IQCM: variants seen among roughly 807,000 people sequenced by gnomAD.
IQCM encodes the protein IQ motif containing M.
In IQCM, 45 loss-of-function variants were observed where a neutral mutation model predicts 57.6. That is an observed-to-expected ratio of 0.78 (90% CI 0.62 to 1.00). IQCM has a LOEUF of 1.00. IQCM is among the 50% of genes least tolerant of loss of function. The pLI is 0.00. For synonymous variants in IQCM, 148 were observed against 158.9 expected, an observed-to-expected ratio of 0.93 and a Z score of 0.51; for missense variants, 468 against 511.6, an observed-to-expected ratio of 0.91 and a Z score of 0.82.
intron 13 of IQCM, among the ~76,000 whole-genome samples, chr4:149,354,362 T>G (rs1728783581): frequency 4.0e-3 from 1 of 248 alleles, no homozygotes; most frequent in Admixed American, 0.056. Flanking sequence ...AGACTCCGTC[T>G]CAAAAAAAAA....
chr4:149,794,791 A>AAAAGATAG (rs1772965883), intron 2 of IQCM, among the ~76,000 whole-genome samples: 2 of 152,170 alleles, frequency 1.3e-5, no homozygotes, highest in Admixed American at 1.3e-4. Context: ...TAGTAAATTT[A>AAAAGATAG]AAAGATAGAT....
At chr4:149,432,692 G>A (rs4301085) in intron 13 of IQCM, among the ~76,000 whole-genome samples, 150,386 of 152,096 alleles carry the variant, frequency 0.99, 74,348 homozygotes, top group Middle Eastern at 1. Context: ...AAGACAGAAA[G>A]GACAAACTAT....
At chr4:149,566,339 A>C (rs1316960341) in intron 9 of IQCM, among the ~76,000 whole-genome samples, 1 of 152,218 alleles carries the variant, frequency 6.6e-6, no homozygotes, top group African/African-American at 2.4e-5. Context: ...ATGTTCTAAC[A>C]AGATGCAAAT....
At chr4:149,815,468 C>G (rs1580367942) in intron 1 of IQCM, 120 bp from the exon 2 acceptor site, 1 of 151,756 alleles carries the variant, frequency 6.6e-6, no homozygotes, top group East Asian at 1.9e-4. Flanking sequence ...TTATCAAATC[C>G]TAAGAAAACT....
chr4:149,571,317 G>T, intron 9 of IQCM, among the ~76,000 whole-genome samples: 1 of 152,034 alleles, frequency 6.6e-6, no homozygotes, highest in East Asian at 1.9e-4. Context: ...AGCCATAAAA[G>T]GAAGGAAATT....
intron 8 of IQCM, among the ~76,000 whole-genome samples, chr4:149,598,007 C>A (rs914422983): frequency 2.0e-5 from 3 of 152,050 alleles, no homozygotes; most frequent in African/African-American, 7.2e-5. Flanking sequence ...TTACCCCCAG[C>A]AACAATGGTA....
At chr4:149,634,136 A>G (rs1044501785) in intron 7 of IQCM, among the ~76,000 whole-genome samples, 9 of 151,884 alleles carry the variant, frequency 5.9e-5, no homozygotes, top group Non-Finnish European at 1.0e-4. Flanking sequence ...TAGCCTCCTG[A>G]GTAGCTGGAA....
chr4:149,539,946 A>G (rs913983909), intron 12 of IQCM, among the ~76,000 whole-genome samples: 2 of 152,200 alleles, frequency 1.3e-5, no homozygotes, highest in African/African-American at 4.8e-5. Flanking sequence ...TCCAATGGAT[A>G]TCCCAGGTGT....
intron 7 of IQCM, among the ~76,000 whole-genome samples, chr4:149,650,338 T>A (rs2150132475): frequency 6.6e-6 from 1 of 151,956 alleles, no homozygotes; most frequent in East Asian, 1.9e-4. Flanking sequence ...ACAAGGAAGA[T>A]TGCTTCCCTA....
At chr4:149,460,483 T>G (rs978546534) in intron 12 of IQCM, among the ~76,000 whole-genome samples, 2 of 152,198 alleles carry the variant, frequency 1.3e-5, no homozygotes, top group Non-Finnish European at 2.9e-5. Context: ...CTGTATAATG[T>G]CTACTCTAGA....
At chr4:149,361,559 C>A (rs753605331) in intron 13 of IQCM, among the ~76,000 whole-genome samples, 1 of 152,170 alleles carries the variant, frequency 6.6e-6, no homozygotes, top group Non-Finnish European at 1.5e-5. Context: ...CTGAAAGGGG[C>A]CAACGTACAG....
At chr4:149,378,475 A>G (rs1236969714) in intron 13 of IQCM, among the ~76,000 whole-genome samples, 1 of 152,176 alleles carries the variant, frequency 6.6e-6, no homozygotes, top group Non-Finnish European at 1.5e-5. Flanking sequence ...GAGATAAGGA[A>G]CTTGTTGGGA....
In IQCM at chr4:149,443,749, G is replaced by GAAAGGA. The variant is rs1326922643; in HGVS notation, c.1229-10193_1229-10192insTCCTTT. Among the ~76,000 whole-genome samples the GAAAGGA allele has an allele frequency of 6.1e-5, 9 of 148,640 alleles. No individual in the cohort carries two copies. In the East Asian group the frequency reaches 1.2e-3, roughly 20 times the overall value. On this transcript the variant is annotated intron_variant, in intron 12 of 13. Coordinates refer to ENST00000636793, the MANE Select transcript of IQCM (RefSeq NM_001363507.2). ...GAAAGGAAAGGAAAGGAAAGGAAAGGAAGAAAACTGGCAAGCCTTCAACCC... is the reference window on the plus strand; with the variant it reads ...GAAAGGAAAGGAAAGGAAAGGAAAGGAAAGGAAAGAAAACTGGCAAGCCTTCAACCC...
chr4:149,695,504 GTTA>G (rs1272599858), intron 5 of IQCM, among the ~76,000 whole-genome samples: 1 of 152,178 alleles, frequency 6.6e-6, no homozygotes, highest in African/African-American at 2.4e-5. Flanking sequence ...AAGGAATAAT[GTTA>G]TTGAGGTAAT....
chr4:149,528,683 A>G (rs1746427555), intron 12 of IQCM, among the ~76,000 whole-genome samples: 2 of 152,134 alleles, frequency 1.3e-5, no homozygotes, highest in South Asian at 2.1e-4. Flanking sequence ...AAATGAGTAT[A>G]AAAGTGTGAA....
chr4:149,393,588 C>T (rs1732017242), intron 13 of IQCM, among the ~76,000 whole-genome samples: 1 of 151,874 alleles, frequency 6.6e-6, no homozygotes, highest in Non-Finnish European at 1.5e-5. Context: ...CATCTAAACA[C>T]TGCTTACTAA....
intron 9 of IQCM, among the ~76,000 whole-genome samples, chr4:149,585,503 C>A (rs1752571703): frequency 6.6e-6 from 1 of 151,550 alleles, no homozygotes; most frequent in Non-Finnish European, 1.5e-5. Context: ...TATATAAAAT[C>A]TCACATATAT....
chr4:149,490,230 G>T (rs1741948951), intron 12 of IQCM, among the ~76,000 whole-genome samples: 1 of 151,750 alleles, frequency 6.6e-6, no homozygotes, highest in African/African-American at 2.4e-5. Context: ...ATATATATCT[G>T]CATGCATAAT....
At chr4:149,580,416 A>T (rs1275161229) in intron 9 of IQCM, among the ~76,000 whole-genome samples, 4 of 151,876 alleles carry the variant, frequency 2.6e-5, no homozygotes, top group Non-Finnish European at 5.9e-5. Context: ...TAACAAACGA[A>T]GCAGTGGTGC....
Sources: gnomAD v4.1 joint callset for allele counts (sites outside exome capture counted in the v4.1 genomes callset) on GRCh38, gnomAD v4.1.1 for gene constraint, MANE v1.5 for transcripts, NCBI Gene and HGNC (gene_info 2026-07-23, HGNC 2026-07-21) for gene names.